The following PPP3R1 variants were observed in gnomAD, a reference collection of about 807,000 sequenced individuals.
PPP3R1 encodes calcineurin subunit B type 1.
A neutral mutation model predicts 22.6 loss-of-function variants in PPP3R1; 5 were observed. That is an observed-to-expected ratio of 0.22 (90% CI 0.12 to 0.46). The LOEUF is 0.46. Ranked by LOEUF, PPP3R1 falls within the 20% of genes least tolerant of loss-of-function variation. The pLI, the probability that PPP3R1 is intolerant of heterozygous loss-of-function variation, is 0.99. For synonymous variants in PPP3R1, 56 were observed against 65.2 expected (o/e 0.86, Z 0.68); for missense variants, 61 against 203.2 (o/e 0.30, Z 4.25).
In PPP3R1 at chr2:68,252,167, G is replaced by T; in HGVS notation, c.-40C>A. Reference sequence around the variant, plus strand: ...CGGCGGCTCGCTGGCTCGCTGGCTCGGAGAAGTGTTGCGCTCAGGCTGGCT... The same window carrying T: ...CGGCGGCTCGCTGGCTCGCTGGCTCTGAGAAGTGTTGCGCTCAGGCTGGCT... On this transcript the variant is annotated 5_prime_UTR_variant, in exon 1 of 6. Transcript: ENST00000234310. The T allele has an allele frequency of 7.1e-7, 1 of 1,400,644 alleles. No individual in the cohort carries two copies. 86.8% of individuals were successfully genotyped at this position (1,400,644 alleles called of 1,614,324 possible). A position where few individuals can be genotyped will look rare whatever the true frequency, so the allele number is the denominator to read the frequency against.
chr2:68,217,702 A>C (rs1669606203), intron 1 of PPP3R1, among the ~76,000 whole-genome samples: 2 of 152,160 alleles, frequency 1.3e-5, no homozygotes, highest in South Asian at 4.1e-4. Flanking sequence ...AAACCATTTC[A>C]AATTTTTCTT....
At chr2:68,246,004 T>C (rs1362413705) in intron 1 of PPP3R1, among the ~76,000 whole-genome samples, 6 of 151,992 alleles carry the variant, frequency 3.9e-5, no homozygotes, top group Non-Finnish European at 8.8e-5. Context: ...GTCTTTTCTC[T>C]TTGAAAAGAT....
At chr2:68,187,800 A>G (rs530782508) in intron 3 of PPP3R1, among the ~76,000 whole-genome samples, 5 of 152,312 alleles carry the variant, frequency 3.3e-5, no homozygotes, top group Admixed American at 2.0e-4. Flanking sequence ...CCCTCCACTT[A>G]TAATTGTCCA....
rs1459748873 is a variant in PPP3R1 at position 68,252,404 on chromosome 2, GAGA to G, written c.-280_-278del. The stretch of plus-strand genomic sequence containing the variant: ...GCAGCGGCGAGAGGCAGGAGAGGCA[GAGA>G]AGAAGAAAGGAGGGGGAGAGGGGGC... On this transcript the variant is annotated 5_prime_UTR_variant, in exon 1 of 6. Coordinates refer to ENST00000234310, the MANE Select transcript of PPP3R1 (RefSeq NM_000945.4). 1.5e-5 allele frequency: 15 copies of G among 1,000,482 alleles called. No homozygotes were observed. Among genetic ancestry groups the G allele is most frequent in the African/African-American group, 1.7e-5 (1 of 57,458 alleles). 62.0% of individuals were successfully genotyped at this position (1,000,482 alleles called of 1,614,324 possible). A position where few individuals can be genotyped will look rare whatever the true frequency, so the allele number is the denominator to read the frequency against.
chr2:68,233,501 TACTG>T (rs1329503970), intron 1 of PPP3R1, among the ~76,000 whole-genome samples: 23 of 152,112 alleles, frequency 1.5e-4, no homozygotes, highest in African/African-American at 5.6e-4. Context: ...ATTCTCGAAA[TACTG>T]AGTATTATGT....
intron 1 of PPP3R1, among the ~76,000 whole-genome samples, chr2:68,238,242 G>T (rs766899843): frequency 2.6e-5 from 4 of 152,024 alleles, no homozygotes; most frequent in Non-Finnish European, 5.9e-5. Flanking sequence ...CACTGCCCTC[G>T]AGGAGCCAAC....
Position 68,252,299 on chromosome 2 carries a change from C to A in PPP3R1, c.-172G>T. 9.7e-7 allele frequency: 1 copy of A among 1,025,740 alleles called. No homozygotes were observed. The highest frequency in any genetic ancestry group is 1.7e-5 in the African/African-American group (1 of 57,528). 63.5% of individuals were successfully genotyped at this position (1,025,740 alleles called of 1,614,324 possible). On this transcript the variant is annotated 5_prime_UTR_variant, in exon 1 of 6. Coordinates refer to ENST00000234310, the MANE Select transcript of PPP3R1 (RefSeq NM_000945.4). ...CGCCGCGGGGCCCGCGCCGGCCGGG[C>A]GATTGGGCACGCGAGGGAGCGGGCA...
In PPP3R1 at chr2:68,209,099, C is replaced by T. The variant is rs541509933; in HGVS notation, c.43+7993G>A. Among the ~76,000 whole-genome samples the T allele has an allele frequency of 4.0e-5, 6 of 151,062 alleles. No homozygotes were observed. The East Asian group carries it at 7.8e-4, about 20-fold the overall frequency. Reference sequence around the variant, plus strand: ...GTTGGCCGGGCGCGGTGGCTCACACCTGTAATCCCAGCACTTTGGGAGGCC... The same window carrying T: ...GTTGGCCGGGCGCGGTGGCTCACACTTGTAATCCCAGCACTTTGGGAGGCC... On this transcript the variant is annotated intron_variant, in intron 2 of 5. Transcript: ENST00000234310.
chr2:68,237,235 G>A (rs978614416), intron 1 of PPP3R1, among the ~76,000 whole-genome samples: 1 of 151,980 alleles, frequency 6.6e-6, no homozygotes, highest in African/African-American at 2.4e-5. Flanking sequence ...ACTACATACT[G>A]GTTTCCAGTA....
chr2:68,187,407 C>A, intron 3 of PPP3R1, 93 bp from the exon 4 acceptor site: 1 of 1,147,134 alleles, frequency 8.7e-7, no homozygotes, highest in Non-Finnish European at 1.2e-6. Flanking sequence ...AGGATATTTC[C>A]TTGCTGCAAA....
At chr2:68,217,210 CA>C in intron 1 of PPP3R1, 79 bp from the exon 2 acceptor site, 3 of 988,594 alleles carry the variant, frequency 3.0e-6, no homozygotes, top group Non-Finnish European at 4.5e-6. Context: ...TATTTTAAGT[CA>C]AAAAACATAG....
At chr2:68,182,532 T>C (rs2103712824) in intron 5 of PPP3R1, among the ~76,000 whole-genome samples, 1 of 152,134 alleles carries the variant, frequency 6.6e-6, no homozygotes, top group African/African-American at 2.4e-5. Context: ...TCAGCATTTT[T>C]CAGCCAGGTG....
intron 1 of PPP3R1, among the ~76,000 whole-genome samples, chr2:68,217,889 T>TA (rs940900328): frequency 6.6e-6 from 1 of 152,124 alleles, no homozygotes; most frequent in Non-Finnish European, 1.5e-5. Context: ...TGCCTACATT[T>TA]AACAACTCTT....
intron 2 of PPP3R1, among the ~76,000 whole-genome samples, chr2:68,190,859 C>A (rs1674652317): frequency 6.6e-6 from 1 of 152,194 alleles, no homozygotes; most frequent in Non-Finnish European, 1.5e-5. Flanking sequence ...TCAACCTGCA[C>A]CATACCTTAA....
At chr2:68,246,229 C>G (rs1670235077) in intron 1 of PPP3R1, among the ~76,000 whole-genome samples, 1 of 151,700 alleles carries the variant, frequency 6.6e-6, no homozygotes, top group African/African-American at 2.4e-5. Flanking sequence ...CACGCGTCAC[C>G]AAACCCGGCT....
chr2:68,223,085 C>G (rs754872681), intron 1 of PPP3R1, among the ~76,000 whole-genome samples: 1 of 152,118 alleles, frequency 6.6e-6, no homozygotes, highest in Non-Finnish European at 1.5e-5. Flanking sequence ...ATGCCAAAAT[C>G]AGACAGTATC....
rs532544053 is a variant in PPP3R1, at chr2:68,221,996, A to G, written c.4-4865T>C. Among the ~76,000 whole-genome samples the G allele has an allele frequency of 1.1e-4, 17 of 152,300 alleles. No individual in the cohort carries two copies. The South Asian group carries it at 3.5e-3, about 32-fold the overall frequency. On this transcript the variant is annotated intron_variant, in intron 1 of 5. Transcript: ENST00000234310. Reference sequence around the variant, plus strand: ...AAAGTCAAAAGAAAATTCTTCAGGCAGAAGAAAAATGATACCAGATGGAAA... The same window carrying G: ...AAAGTCAAAAGAAAATTCTTCAGGCGGAAGAAAAATGATACCAGATGGAAA...
At chr2:68,189,186 A>C (rs530001775) in intron 2 of PPP3R1, among the ~76,000 whole-genome samples, 1 of 152,322 alleles carries the variant, frequency 6.6e-6, no homozygotes, top group Non-Finnish European at 1.5e-5. Context: ...AAGGGTATTC[A>C]AAATTCAAAG....
At chr2:68,237,298 T>A (rs1182575929) in intron 1 of PPP3R1, among the ~76,000 whole-genome samples, 2 of 152,138 alleles carry the variant, frequency 1.3e-5, no homozygotes, top group African/African-American at 4.8e-5. Context: ...TTATCAAACA[T>A]CTTAAATAAT....
Sources: gnomAD v4.1 joint callset for allele counts (sites outside exome capture counted in the v4.1 genomes callset) on GRCh38, gnomAD v4.1.1 for gene constraint, MANE v1.5 for transcripts, NCBI Gene and HGNC (gene_info 2026-07-23, HGNC 2026-07-21) for gene names.